Variants in RUNDC3B observed in about 807,000 individuals in gnomAD.
The protein encoded by RUNDC3B is RUN domain containing 3B.
A neutral mutation model predicts 58.4 loss-of-function variants in RUNDC3B; 33 were observed. That is an observed-to-expected ratio of 0.56 (90% CI 0.43 to 0.75). The LOEUF (loss-of-function observed/expected upper bound fraction) is 0.75, where lower values mean the gene tolerates loss of function less well. Ranked by LOEUF, RUNDC3B falls within the 30% of genes least tolerant of loss-of-function variation. The pLI is 0.00. For synonymous variants in RUNDC3B, 193 were observed against 195.2 expected, an observed-to-expected ratio of 0.99 and a Z score of 0.10; for missense variants, 501 against 535.7, an observed-to-expected ratio of 0.94 and a Z score of 0.64.
intron 4 of RUNDC3B, among the ~76,000 whole-genome samples, chr7:87,728,101 C>A (rs1327987966): frequency 2.0e-5 from 3 of 152,082 alleles, no homozygotes; most frequent in Non-Finnish European, 4.4e-5. Context: ...ATATAAAAAT[C>A]TTCTTAGTCT....
At chr7:87,631,219 T>C (rs1456883749) in intron 1 of RUNDC3B, among the ~76,000 whole-genome samples, 1 of 152,184 alleles carries the variant, frequency 6.6e-6, no homozygotes, top group Non-Finnish European at 1.5e-5. Context: ...CTGAATGACT[T>C]TTACTTTTTG....
chr7:87,823,811 CACACACACACACATAT>C (rs1837639737), intron 10 of RUNDC3B, among the ~76,000 whole-genome samples: 1 of 151,278 alleles, frequency 6.6e-6, no homozygotes, highest in South Asian at 2.1e-4. Context: ...CACACACACA[CACACACACACACATAT>C]ATATATACAC....
chr7:87,688,505 T>C (rs1827698416), intron 2 of RUNDC3B, among the ~76,000 whole-genome samples: 1 of 151,978 alleles, frequency 6.6e-6, no homozygotes, highest in Non-Finnish European at 1.5e-5. Flanking sequence ...CTGTGGAGTT[T>C]TCAATTACCC....
intron 9 of RUNDC3B, among the ~76,000 whole-genome samples, chr7:87,810,534 T>C (rs1836659082): frequency 6.6e-6 from 1 of 152,208 alleles, no homozygotes; most frequent in African/African-American, 2.4e-5. Context: ...CTTAGGCTAA[T>C]GGCCTCCTGT....
chr7:87,766,942 A>G (rs1273735534), intron 6 of RUNDC3B, among the ~76,000 whole-genome samples: 1 of 151,932 alleles, frequency 6.6e-6, no homozygotes, highest in Admixed American at 6.6e-5. Context: ...GTTGATTTTT[A>G]ATTTTTTTTC....
intron 8 of RUNDC3B, among the ~76,000 whole-genome samples, chr7:87,797,489 G>GAAAC (rs1835879950): frequency 6.6e-6 from 1 of 152,198 alleles, no homozygotes; most frequent in East Asian, 1.9e-4. Context: ...GTGGATTCAG[G>GAAAC]TGGTGGCAGC....
At chr7:87,819,506 G>C (rs575705791) in intron 10 of RUNDC3B, among the ~76,000 whole-genome samples, 1 of 152,200 alleles carries the variant, frequency 6.6e-6, no homozygotes, top group African/African-American at 2.4e-5. Flanking sequence ...AGGATACCCA[G>C]GAATTGAACT....
At chr7:87,818,290 C>T (rs1184859894) in intron 10 of RUNDC3B, among the ~76,000 whole-genome samples, 3 of 152,004 alleles carry the variant, frequency 2.0e-5, no homozygotes, top group African/African-American at 7.2e-5. Context: ...GGTTTAATAG[C>T]AGATTAAAAG....
intron 8 of RUNDC3B, among the ~76,000 whole-genome samples, chr7:87,779,462 T>C (rs376429057): frequency 6.6e-6 from 1 of 152,172 alleles, no homozygotes; most frequent in African/African-American, 2.4e-5. Context: ...AGTAGTTATG[T>C]TCTATTGGGG....
chr7:87,829,133 T>C (rs918969216), intron 10 of RUNDC3B, among the ~76,000 whole-genome samples: 2 of 152,186 alleles, frequency 1.3e-5, no homozygotes, highest in Non-Finnish European at 2.9e-5. Context: ...GAGAAGTGTC[T>C]TCGTGTCTTT....
chr7:87,696,000 A>G (rs746928043), intron 2 of RUNDC3B, among the ~76,000 whole-genome samples: 5 of 152,102 alleles, frequency 3.3e-5, no homozygotes, highest in Non-Finnish European at 5.9e-5. Flanking sequence ...ATTGTCTTTT[A>G]GTCTAGCAAA....
intron 1 of RUNDC3B, among the ~76,000 whole-genome samples, chr7:87,635,326 G>A (rs1821657607): frequency 6.6e-6 from 1 of 152,178 alleles, no homozygotes; most frequent in African/African-American, 2.4e-5. Flanking sequence ...CAGTCACAGA[G>A]GGTCTTGAAG....
chr7:87,822,750 A>C (rs560987803), intron 10 of RUNDC3B, among the ~76,000 whole-genome samples: 2 of 152,340 alleles, frequency 1.3e-5, no homozygotes, highest in East Asian at 3.9e-4. Flanking sequence ...GACATGGATG[A>C]AACTGGAAAC....
intron 6 of RUNDC3B, 37 bp from the exon 7 acceptor site, chr7:87,770,544 T>G: frequency 6.5e-7 from 1 of 1,538,998 alleles, no homozygotes; most frequent in Non-Finnish European, 8.9e-7. Flanking sequence ...AGTTGGAACA[T>G]ATTTTTAACT....
intron 2 of RUNDC3B, among the ~76,000 whole-genome samples, chr7:87,687,657 ATTTC>A (rs1321502302): frequency 6.6e-6 from 1 of 152,086 alleles, no homozygotes; most frequent in Non-Finnish European, 1.5e-5. Context: ...AAGAGTAATA[ATTTC>A]TTTATTTTTT....
chr7:87,664,267 A>C, intron 2 of RUNDC3B, among the ~76,000 whole-genome samples: 2 of 152,162 alleles, frequency 1.3e-5, no homozygotes, highest in East Asian at 3.8e-4. Context: ...TCAAGGCTGT[A>C]GTACACTATT....
chr7:87,740,176 T>C (rs1164077030), intron 5 of RUNDC3B, among the ~76,000 whole-genome samples: 1 of 152,128 alleles, frequency 6.6e-6, no homozygotes, highest in Admixed American at 6.6e-5. Flanking sequence ...GCTTTGAATC[T>C]TATCTCTTAG....
chr7:87,727,769 A>G (rs1831325953), intron 4 of RUNDC3B, among the ~76,000 whole-genome samples: 1 of 152,200 alleles, frequency 6.6e-6, no homozygotes, highest in Non-Finnish European at 1.5e-5. Flanking sequence ...GATCCTTAAA[A>G]GAATATGACA....
At chr7:87,643,204 G>A (rs547365982) in intron 1 of RUNDC3B, among the ~76,000 whole-genome samples, 26 of 152,254 alleles carry the variant, frequency 1.7e-4, no homozygotes, top group African/African-American at 6.3e-4. Context: ...ACCACACCTG[G>A]CCCTGCTTTC....
Sources: allele counts gnomAD v4.1 joint callset (sites outside exome capture counted in the v4.1 genomes callset), GRCh38; gene constraint gnomAD v4.1.1; transcripts MANE v1.5; gene names NCBI Gene and HGNC (gene_info 2026-07-23, HGNC 2026-07-21).